OAT: variants seen among roughly 807,000 people sequenced by gnomAD.
The protein encoded by OAT is ornithine aminotransferase, mitochondrial.
A neutral mutation model predicts 48.4 loss-of-function variants in OAT; 35 were observed. The ratio of observed to expected loss-of-function variants is 0.72; its 90% CI spans 0.55 to 0.96. The LOEUF is 0.96. Among genes scored for constraint, OAT ranks in the 40% least tolerant of loss-of-function variants. The pLI, the probability that OAT is intolerant of heterozygous loss-of-function variation, is 0.00. For missense variants in OAT, 438 were observed against 537.9 expected (o/e 0.81, Z 1.84); for synonymous variants, 182 against 198.4 (o/e 0.92, Z 0.70).
chr10:124,415,064 T>C (rs1951877669), intron 1 of OAT: 1 of 10,972 alleles, frequency 9.1e-5, no homozygotes. Flanking sequence ...CAGCCTGGGC[T>C]ACAAAGCGCT....
In OAT at chr10:124,412,147, G is replaced by C. The variant is rs758017431; in HGVS notation, c.25C>G (p.Gln9Glu). MFSKLAHL[Q>E]RFAVLSRGVH... is the part of the protein sequence containing the mutation. The stretch of plus-strand genomic sequence containing the variant: ...CCGCGACTAAGTACAGCAAACCTCT[G>C]CAAATGTGCTAGTTTGGAAAACATT... Residue 9 changes from glutamine to glutamate, a missense_variant, in exon 2 of 10, where the codon CAG (glutamine) becomes GAG (glutamate). Coordinates refer to ENST00000368845, the MANE Select transcript of OAT (RefSeq NM_000274.4). 6 of 1,614,092 alleles carry C rather than the reference G, an allele frequency of 3.7e-6. No individual in the cohort carries two copies. The South Asian group carries it at 6.6e-5, about 18-fold the overall frequency.
At chr10:124,406,519 T>C (rs1272993065) in intron 4 of OAT, among the ~76,000 whole-genome samples, 2 of 149,020 alleles carry the variant, frequency 1.3e-5, no homozygotes, top group South Asian at 2.1e-4. Flanking sequence ...ATAATAATAA[T>C]AAAGATGTTG....
intron 2 of OAT, 21 bp from the exon 3 acceptor site, chr10:124,408,986 A>G: frequency 7.6e-6 from 12 of 1,586,490 alleles, no homozygotes; most frequent in Non-Finnish European, 1.0e-5. Context: ...TAAGAAAGGA[A>G]AATAATTTTA....
At position 124,408,339 on chromosome 10, in the gene OAT, ATATATTTT is replaced by A. The variant is rs1477352018; in HGVS notation, c.520+195_520+202del. Among the ~76,000 whole-genome samples, 2,240 of 101,700 alleles carry A rather than the reference ATATATTTT, an allele frequency of 0.022. 33 individuals are homozygous for A. The highest frequency in any genetic ancestry group is 0.032 in the Non-Finnish European group (1,622 of 51,346). 66.7% of individuals were successfully genotyped at this position (101,700 alleles called of 152,430 possible). ...TGTGTATATATATATATATATATATATATATTTTTTTTTTTTTTTTTTAAATAGAGACA... is the reference window on the plus strand; with the variant it reads ...TGTGTATATATATATATATATATATATTTTTTTTTTTTTTAAATAGAGACA... On this transcript the variant is annotated intron_variant, in intron 4 of 9. Coordinates refer to ENST00000368845, the MANE Select transcript of OAT (RefSeq NM_000274.4).
chr10:124,405,756 C>A, intron 4 of OAT, 193 bp from the exon 5 acceptor site: 1 of 1,392,116 alleles, frequency 7.2e-7, no homozygotes, highest in Non-Finnish European at 9.4e-7. Flanking sequence ...CACAAGGCCA[C>A]TAAGTCTGGC....
At chr10:124,398,994 C>A (rs906232381) in intron 9 of OAT, among the ~76,000 whole-genome samples, 2 of 151,380 alleles carry the variant, frequency 1.3e-5, no homozygotes, top group Admixed American at 1.3e-4. Flanking sequence ...TCCAGCCTGG[C>A]GACAGACACT....
chr10:124,408,259 A>G (rs536850908), intron 4 of OAT, among the ~76,000 whole-genome samples: 82 of 144,620 alleles, frequency 5.7e-4, no homozygotes, highest in African/African-American at 2.1e-3. Context: ...ACATATATAT[A>G]TGTTTTTTAT....
At position 124,403,202 on chromosome 10, in the gene OAT, A is replaced by G. The variant is rs1951465650; in HGVS notation, c.772-147T>C. 32 of 827,674 alleles carry G rather than the reference A, an allele frequency of 3.9e-5. No individual in the cohort carries two copies. The South Asian group carries it at 4.9e-4, about 13-fold the overall frequency. The allele number at this position is 827,674 out of a possible 1,614,324, so 51.3% of individuals were successfully genotyped here. ...TTGTAAAAATGTTTTAACTGCACAC[A>G]ATTTCAAGAGTATCCTATAAGAATC... is the stretch of plus-strand genomic sequence containing the variant. On this transcript the variant is annotated intron_variant, in intron 6 of 9. Transcript: ENST00000368845.
chr10:124,404,437 T>G (rs896256365), intron 5 of OAT, among the ~76,000 whole-genome samples: 3 of 151,798 alleles, frequency 2.0e-5, no homozygotes, highest in Non-Finnish European at 1.5e-5. Flanking sequence ...CCAGCTAATT[T>G]TTTTTTGTAT....
chr10:124,412,947 C>T (rs572183486), intron 1 of OAT, among the ~76,000 whole-genome samples: 1 of 152,214 alleles, frequency 6.6e-6, no homozygotes, highest in African/African-American at 2.4e-5. Flanking sequence ...AGGGCAGAGA[C>T]CAGAGGCAGG....
intron 4 of OAT, chr10:124,406,175 C>T: frequency 1.1e-6 from 1 of 931,234 alleles, no homozygotes; most frequent in Non-Finnish European, 1.3e-6. Flanking sequence ...TGAGGATCTA[C>T]TATGTCAGGC....
chr10:124,407,280 C>A, intron 4 of OAT: 1 of 985,474 alleles, frequency 1.0e-6, no homozygotes, highest in African/African-American at 1.7e-5. Flanking sequence ...CAGTCACTTA[C>A]CCTGCAGGTA....
At chr10:124,405,693 G>A in intron 4 of OAT, 130 bp from the exon 5 acceptor site, 1 of 1,522,138 alleles carries the variant, frequency 6.6e-7, no homozygotes, top group South Asian at 1.2e-5. Flanking sequence ...CACCTTCGGT[G>A]GGCTTTCAAT....
chr10:124,417,209 T>C (rs1589723790), intron 1 of OAT, among the ~76,000 whole-genome samples: 1 of 141,692 alleles, frequency 7.1e-6, no homozygotes, highest in East Asian at 2.0e-4. Flanking sequence ...AAAGTTATAC[T>C]GGATTTTTCT....
intron 1 of OAT, among the ~76,000 whole-genome samples, chr10:124,413,267 TACACAC>T (rs58272470): frequency 0.071 from 9,586 of 134,598 alleles, 331 homozygotes; most frequent in East Asian, 0.12. Flanking sequence ...CATAAATACA[TACACAC>T]ACACACACAC....
intron 1 of OAT, chr10:124,414,917 A>C (rs961119567): frequency 6.6e-6 from 1 of 151,060 alleles, no homozygotes; most frequent in African/African-American, 2.4e-5. Context: ...ATCTCTATAA[A>C]AAATATGAAT....
chr10:124,401,114 A>G (rs1277132168), intron 8 of OAT, 130 bp from the exon 9 acceptor site: 2 of 647,208 alleles, frequency 3.1e-6, no homozygotes, highest in Admixed American at 2.8e-5. Context: ...TTTCATTGCT[A>G]TTTTTCAAAG....
intron 1 of OAT, among the ~76,000 whole-genome samples, chr10:124,414,737 C>T (rs545253903): frequency 6.6e-6 from 1 of 152,082 alleles, no homozygotes; most frequent in Non-Finnish European, 1.5e-5. Flanking sequence ...TTTTGCCTAT[C>T]AAATTAGCAG....
chr10:124,410,739 A>C (rs1437456468), intron 2 of OAT, among the ~76,000 whole-genome samples: 1 of 152,212 alleles, frequency 6.6e-6, no homozygotes, highest in Non-Finnish European at 1.5e-5. Flanking sequence ...TCCAGGCTGC[A>C]GTGAGCCATG....
Sources: gnomAD v4.1 joint callset for allele counts (sites outside exome capture counted in the v4.1 genomes callset) on GRCh38, gnomAD v4.1.1 for gene constraint, MANE v1.5 for transcripts, NCBI Gene and HGNC (gene_info 2026-07-23, HGNC 2026-07-21) for gene names.